The following ABLIM2 variants were observed in gnomAD, a reference collection of about 807,000 sequenced individuals.
ABLIM2 encodes the protein actin-binding LIM protein 2.
In ABLIM2, 53 loss-of-function variants were observed where a neutral mutation model predicts 97.7. The observed-to-expected ratio is 0.54, with a 90% CI of 0.44 to 0.68. The LOEUF is 0.68. Ranked by LOEUF, ABLIM2 falls within the 30% of genes least tolerant of loss-of-function variation. The pLI, the probability that ABLIM2 is intolerant of heterozygous loss-of-function variation, is 0.00. For synonymous variants in ABLIM2, 361 were observed against 345.8 expected (o/e 1.04, Z -0.49); for missense variants, 835 against 867.2 (o/e 0.96, Z 0.47).
chr4:8,125,798 C>T lies in ABLIM2; in HGVS notation c.11-19161G>A, dbSNP rs370678812. On this transcript the variant is annotated intron_variant, in intron 1 of 20. Coordinates refer to ENST00000447017, the MANE Select transcript of ABLIM2 (RefSeq NM_001130083.2). This position sits in a 1 kb window ranked among gnomAD's most constrained non-coding sequence, Gnocchi z 6.2. The stretch of plus-strand genomic sequence containing the variant: ...ATCGTCACCTGCTGTCTGCTCTGGG[C>T]ATCCACGGCTGTCCTCAGAATGCTC... 6.6e-6 allele frequency among the ~76,000 whole-genome samples: 1 copy of T among 152,344 alleles called. No individual in the cohort carries two copies. The highest frequency in any genetic ancestry group is 1.9e-4 in the East Asian group (1 of 5,190).
At chr4:8,028,727 GCACT>G (rs1049510407) in intron 11 of ABLIM2, among the ~76,000 whole-genome samples, 2 of 148,600 alleles carry the variant, frequency 1.3e-5, no homozygotes, top group Non-Finnish European at 3.0e-5. Context: ...AGTCATTCAT[GCACT>G]CACTCACTCA....
rs571781902 is a variant in ABLIM2 at position 8,150,399 on chromosome 4, T to C, written c.10+8281A>G. Among the ~76,000 whole-genome samples the C allele has an allele frequency of 2.0e-5, 3 of 152,128 alleles. No individual in the cohort carries two copies. The highest frequency in any genetic ancestry group is 7.2e-5 in the African/African-American group (3 of 41,424). ...AATGCCTCCTCTCATTCTACCTGAG[T>C]GGCTTTCAGGGGAGCCAGTACAAGG... On this transcript the variant is annotated intron_variant, in intron 1 of 20. Transcript: ENST00000447017. This position sits in a 1 kb window ranked among gnomAD's most constrained non-coding sequence, Gnocchi z 6.3.
At position 8,130,946 on chromosome 4, in the gene ABLIM2, A is replaced by AG. The variant is rs1319972972; in HGVS notation, c.11-24310dup. The stretch of plus-strand genomic sequence containing the variant: ...AGGGCTGAGCTCCCCCAAAGGCTCT[A>AG]GGGGAGGCTGCCGTTACCTCGCCCT... On this transcript the variant is annotated intron_variant, in intron 1 of 20. Transcript: ENST00000447017. This position sits in a 1 kb window ranked among gnomAD's most constrained non-coding sequence, Gnocchi z 4.2. 6.6e-6 allele frequency among the ~76,000 whole-genome samples: 1 copy of AG among 152,110 alleles called. No individual in the cohort carries two copies. The highest frequency in any genetic ancestry group is 1.5e-5 in the Non-Finnish European group (1 of 68,008).
intron 14 of ABLIM2, among the ~76,000 whole-genome samples, chr4:8,018,250 G>A (rs1346705306): frequency 6.6e-6 from 1 of 152,210 alleles, no homozygotes; most frequent in Non-Finnish European, 1.5e-5. Context: ...AAAGGCCAAG[G>A]TAGTCAATCC....
At chr4:8,143,159 T>TTGGG (rs58979220) in intron 1 of ABLIM2, among the ~76,000 whole-genome samples, 3,580 of 60,832 alleles carry the variant, frequency 0.059, 322 homozygotes, top group South Asian at 0.09. Context: ...GGGGCGAGAG[T>TTGGG]GGGGGGGGGG....
intron 16 of ABLIM2, among the ~76,000 whole-genome samples, chr4:7,995,836 C>T (rs1202601971): frequency 2.0e-5 from 3 of 152,172 alleles, no homozygotes; most frequent in Non-Finnish European, 2.9e-5. Flanking sequence ...TCGGGCTATT[C>T]CTCCCCCTCC....
At chr4:8,077,267 G>A (rs141966753) in intron 6 of ABLIM2, among the ~76,000 whole-genome samples, 40 of 152,256 alleles carry the variant, frequency 2.6e-4, no homozygotes, top group African/African-American at 9.1e-4. Context: ...GGGCGACCCC[G>A]CTGTGCCTCC....
intron 15 of ABLIM2, among the ~76,000 whole-genome samples, chr4:8,008,441 A>G (rs753234517): frequency 5.9e-5 from 9 of 152,196 alleles, no homozygotes; most frequent in East Asian, 1.9e-4. Context: ...TCTTACGGAC[A>G]CAGCCACTGA....
In ABLIM2 at chr4:8,062,289, G is replaced by A. The variant is rs1439895038; in HGVS notation, c.676-1235C>T. ...AGATGGCCAGTCTCTCAAGCGCAGGGCCTGGCACCTGGGCCACGTCAGGGA... is the reference window on the plus strand; with the variant it reads ...AGATGGCCAGTCTCTCAAGCGCAGGACCTGGCACCTGGGCCACGTCAGGGA... On this transcript the variant is annotated intron_variant, in intron 6 of 20. Coordinates refer to ENST00000447017, the MANE Select transcript of ABLIM2 (RefSeq NM_001130083.2). Among the ~76,000 whole-genome samples the A allele has an allele frequency of 2.0e-5, 3 of 152,220 alleles. No individual in the cohort carries two copies. The East Asian group carries it at 5.8e-4, about 29-fold the overall frequency.
At chr4:8,099,602 T>G (rs543669179) in intron 2 of ABLIM2, among the ~76,000 whole-genome samples, 60 of 152,060 alleles carry the variant, frequency 3.9e-4, no homozygotes, top group African/African-American at 1.4e-3. Flanking sequence ...TCCCAACACT[T>G]TGGGAGGCTG....
intron 14 of ABLIM2, chr4:8,010,595 G>A (rs28439020): frequency 0.34 from 335,242 of 978,210 alleles, 58,512 homozygotes; most frequent in East Asian, 0.54. Flanking sequence ...GTTCCGTTCC[G>A]AATACACTAA....
intron 6 of ABLIM2, among the ~76,000 whole-genome samples, chr4:8,066,313 A>C (rs1012367492): frequency 1.4e-5 from 2 of 144,538 alleles, no homozygotes; most frequent in African/African-American, 5.1e-5. Flanking sequence ...CTCAAAAAAA[A>C]AAAAAAAAGA....
At chr4:8,110,664 G>GGGGGGGGGGGGGGGTC (rs1839886546) in intron 1 of ABLIM2, among the ~76,000 whole-genome samples, 1 of 150,242 alleles carries the variant, frequency 6.7e-6, no homozygotes. Flanking sequence ...TGGCGGGGGT[G>GGGGGGGGGGGGGGGTC]GGGTGTGGGG....
At chr4:8,145,466 G>A (rs1365573906) in intron 1 of ABLIM2, among the ~76,000 whole-genome samples, 1 of 152,084 alleles carries the variant, frequency 6.6e-6, no homozygotes, top group Non-Finnish European at 1.5e-5. Flanking sequence ...TTACAGGCAT[G>A]AGCTACCGCG....
At chr4:8,081,004 C>T (rs1819481320) in intron 4 of ABLIM2, among the ~76,000 whole-genome samples, 2 of 152,196 alleles carry the variant, frequency 1.3e-5, no homozygotes, top group Admixed American at 1.3e-4. Flanking sequence ...AAGTTTGACC[C>T]TGCATGCATT....
chr4:7,991,308 A>T (rs1344405702), intron 17 of ABLIM2, among the ~76,000 whole-genome samples: 2 of 152,252 alleles, frequency 1.3e-5, no homozygotes, highest in Non-Finnish European at 2.9e-5. Flanking sequence ...ACGCAAGACT[A>T]CAAATGCAGA....
Position 8,054,383 on chromosome 4 carries a change from T to C in ABLIM2, c.764-137A>G. 1.1e-6 allele frequency: 1 copy of C among 898,836 alleles called. No homozygotes were observed. Among genetic ancestry groups the C allele is most frequent in the Non-Finnish European group, 1.8e-6 (1 of 570,372 alleles). 55.7% of individuals were successfully genotyped at this position (898,836 alleles called of 1,614,324 possible). A position where few individuals can be genotyped will look rare whatever the true frequency, so the allele number is the denominator to read the frequency against. On this transcript the variant is annotated intron_variant, in intron 7 of 20. Coordinates refer to ENST00000447017, the MANE Select transcript of ABLIM2 (RefSeq NM_001130083.2). The surrounding 1 kb of genome is among the most constrained non-coding windows in gnomAD (Gnocchi z 4.9). ...TCCACCCTCCAAGCGGCCCTGAGCA[T>C]CCTCTCTGTGCTGGAGTTAGTGCCG... is the stretch of plus-strand genomic sequence containing the variant.
chr4:7,982,121 T>G (rs13126097), intron 20 of ABLIM2, among the ~76,000 whole-genome samples: 15,122 of 132,368 alleles, frequency 0.11, 971 homozygotes, highest in Non-Finnish European at 0.17. Context: ...GCCCCTCAGC[T>G]GCATCCACGC....
chr4:8,048,891 C>T (rs528059252), intron 8 of ABLIM2, among the ~76,000 whole-genome samples: 1 of 152,166 alleles, frequency 6.6e-6, no homozygotes, highest in African/African-American at 2.4e-5. Flanking sequence ...GCCACCTTCA[C>T]CGTTCTCGGG....
Sources: gnomAD v4.1 joint callset for allele counts (sites outside exome capture counted in the v4.1 genomes callset) on GRCh38, gnomAD v4.1.1 for gene constraint, Gnocchi (gnomAD v3.1) non-coding constraint, MANE v1.5 for transcripts, NCBI Gene and HGNC (gene_info 2026-07-23, HGNC 2026-07-21) for gene names.